The following CSMD1 variants were observed in gnomAD, a reference collection of about 807,000 sequenced individuals.
The protein encoded by CSMD1 is CUB and sushi domain-containing protein 1.
A neutral mutation model predicts 417.5 loss-of-function variants in CSMD1; 213 were observed. The ratio of observed to expected loss-of-function variants is 0.51; its 90% confidence interval spans 0.46 to 0.57. CSMD1 has a LOEUF of 0.57. Ranked by LOEUF, CSMD1 falls within the 20% of genes least tolerant of loss-of-function variation. The pLI, the probability that CSMD1 is intolerant of heterozygous loss-of-function variation, is 0.00. For synonymous variants in CSMD1, 2,862 were observed against 1,736.8 expected (o/e 1.65, Z -16.11); for missense variants, 6,923 against 4,529.7 (o/e 1.53, Z -15.17).
chr8:4,890,206 C>T (rs1296564822), intron 1 of CSMD1, among the ~76,000 whole-genome samples: 1 of 152,132 alleles, frequency 6.6e-6, no homozygotes, highest in Non-Finnish European at 1.5e-5. Flanking sequence ...CATAAACACA[C>T]TTGATCTTGG....
chr8:4,700,058 G>C (rs1170540756), intron 1 of CSMD1, among the ~76,000 whole-genome samples: 1 of 152,134 alleles, frequency 6.6e-6, no homozygotes, highest in Non-Finnish European at 1.5e-5. Context: ...AGAAACCACT[G>C]AGTCCTTTTC....
At chr8:3,402,462 G>T (rs551000093) in intron 15 of CSMD1, among the ~76,000 whole-genome samples, 1 of 152,220 alleles carries the variant, frequency 6.6e-6, no homozygotes, top group South Asian at 2.1e-4. Context: ...GAGCTGCATT[G>T]AGGAATACGA....
chr8:3,747,852 T>G (rs1797135859), intron 6 of CSMD1, among the ~76,000 whole-genome samples: 1 of 152,194 alleles, frequency 6.6e-6, no homozygotes, highest in South Asian at 2.1e-4. Flanking sequence ...TTTGTTTTAG[T>G]TGCTTTGGGC....
At chr8:4,045,536 G>T (rs2554558) in intron 3 of CSMD1, among the ~76,000 whole-genome samples, 80,771 of 151,982 alleles carry the variant, frequency 0.53, 22,338 homozygotes, top group Non-Finnish European at 0.61. Flanking sequence ...CCTGTGGGCA[G>T]CAGATGCTGT....
intron 5 of CSMD1, among the ~76,000 whole-genome samples, chr8:3,908,187 C>T (rs530920635): frequency 1.1e-4 from 17 of 152,196 alleles, no homozygotes; most frequent in African/African-American, 4.1e-4. Flanking sequence ...ATGGGCCAGG[C>T]TAGATACTAA....
At chr8:4,122,525 G>A (rs10088528) in intron 3 of CSMD1, among the ~76,000 whole-genome samples, 150,573 of 152,214 alleles carry the variant, frequency 0.99, 74,501 homozygotes, top group East Asian at 1. Flanking sequence ...AGTACCAGCC[G>A]CATTTTAAAT....
intron 26 of CSMD1, among the ~76,000 whole-genome samples, chr8:3,235,226 G>A (rs1463924420): frequency 6.6e-6 from 1 of 152,062 alleles, no homozygotes; most frequent in Non-Finnish European, 1.5e-5. Context: ...AAGTTTAGGA[G>A]GTGAGCCAAG....
chr8:4,912,286 A>C (rs1311208215), intron 1 of CSMD1, among the ~76,000 whole-genome samples: 1 of 152,154 alleles, frequency 6.6e-6, no homozygotes, highest in Non-Finnish European at 1.5e-5. Flanking sequence ...GATTGTACTA[A>C]AATGACGTGG....
intron 41 of CSMD1, among the ~76,000 whole-genome samples, chr8:3,129,494 G>A (rs1394150913): frequency 6.6e-6 from 1 of 152,202 alleles, no homozygotes; most frequent in Admixed American, 6.5e-5. Context: ...ATGGAGCTGG[G>A]CCGGGTTCAG....
chr8:4,354,307 G>A (rs1052080259), intron 3 of CSMD1, among the ~76,000 whole-genome samples: 75 of 152,078 alleles, frequency 4.9e-4, no homozygotes, highest in African/African-American at 1.3e-3. Context: ...TTATTAAGGC[G>A]ATGAAACATT....
chr8:4,250,469 C>T (rs1045664163), intron 3 of CSMD1, among the ~76,000 whole-genome samples: 1 of 151,970 alleles, frequency 6.6e-6, no homozygotes, highest in Non-Finnish European at 1.5e-5. Context: ...TTTGGGTCCA[C>T]GTGACTTGGT....
intron 1 of CSMD1, among the ~76,000 whole-genome samples, chr8:4,905,626 T>G (rs551323804): frequency 6.6e-6 from 1 of 151,726 alleles, no homozygotes; most frequent in Non-Finnish European, 1.5e-5. Flanking sequence ...GAGGCCATCC[T>G]GGCTAACACG....
chr8:4,425,994 A>G (rs894707596), intron 2 of CSMD1, among the ~76,000 whole-genome samples: 1 of 152,082 alleles, frequency 6.6e-6, no homozygotes, highest in Non-Finnish European at 1.5e-5. Flanking sequence ...TTAAAGAGGT[A>G]TACATTAAAC....
chr8:4,335,956 C>T (rs1465894681), intron 3 of CSMD1, among the ~76,000 whole-genome samples: 2 of 152,070 alleles, frequency 1.3e-5, no homozygotes, highest in Non-Finnish European at 2.9e-5. Context: ...CACAGGGAGG[C>T]TCTCACAGAT....
chr8:4,274,464 C>A (rs767855417), intron 3 of CSMD1, among the ~76,000 whole-genome samples: 1 of 152,100 alleles, frequency 6.6e-6, no homozygotes, highest in Non-Finnish European at 1.5e-5. Context: ...TCAGCACAGT[C>A]GTAATGGCAT....
chr8:3,935,440 T>C (rs1810422056), intron 5 of CSMD1, among the ~76,000 whole-genome samples: 1 of 152,214 alleles, frequency 6.6e-6, no homozygotes, highest in African/African-American at 2.4e-5. Flanking sequence ...AATTGAAGTT[T>C]CCTGGCAACC....
intron 7 of CSMD1, among the ~76,000 whole-genome samples, chr8:3,679,616 G>C (rs988824069): frequency 1.3e-4 from 20 of 152,060 alleles, no homozygotes; most frequent in African/African-American, 4.1e-4. Flanking sequence ...GTCAACATCA[G>C]ACAGATCAAC....
chr8:3,342,755 T>A (rs959768305), intron 23 of CSMD1, among the ~76,000 whole-genome samples: 2 of 152,222 alleles, frequency 1.3e-5, no homozygotes, highest in African/African-American at 4.8e-5. Flanking sequence ...CTGTTATCTC[T>A]GGCAAGTATT....
At chr8:4,377,386 G>C (rs184184649) in intron 3 of CSMD1, among the ~76,000 whole-genome samples, 3 of 152,112 alleles carry the variant, frequency 2.0e-5, no homozygotes, top group Non-Finnish European at 4.4e-5. Flanking sequence ...TCTTTTAGTC[G>C]TTATATCTAA....
Sources: gnomAD v4.1 joint callset for allele counts (sites outside exome capture counted in the v4.1 genomes callset) on GRCh38, gnomAD v4.1.1 for gene constraint, MANE v1.5 for transcripts, NCBI Gene and HGNC (gene_info 2026-07-23, HGNC 2026-07-21) for gene names.